The following ITGA9 variants were observed in gnomAD, a reference collection of about 807,000 sequenced individuals.
ITGA9 encodes the protein integrin subunit alpha 9.
ITGA9 carries 56 observed loss-of-function variants against 127.8 expected under a neutral mutation model. The ratio of observed to expected loss-of-function variants is 0.44; its 90% CI spans 0.35 to 0.55. ITGA9 has a LOEUF of 0.55. Ranked by LOEUF, ITGA9 falls within the 20% of genes least tolerant of loss-of-function variation. ITGA9 has a pLI of 0.00. For missense variants in ITGA9, 1,196 were observed against 1,347.1 expected, an observed-to-expected ratio of 0.89 and a Z score of 1.76; for synonymous variants, 508 against 514.5, an observed-to-expected ratio of 0.99 and a Z score of 0.17.
intron 26 of ITGA9, among the ~76,000 whole-genome samples, chr3:37,793,275 C>A (rs1447564655): frequency 2.0e-5 from 3 of 151,930 alleles, no homozygotes; most frequent in African/African-American, 7.3e-5. Flanking sequence ...AAGTTGTATT[C>A]TCAGAAGGTT....
chr3:37,460,560 A>G (rs1288821308), intron 1 of ITGA9, among the ~76,000 whole-genome samples: 4 of 151,842 alleles, frequency 2.6e-5, no homozygotes, highest in African/African-American at 9.7e-5. Flanking sequence ...TGTACCTCAT[A>G]AATATGTACC....
rs1236952058 is a variant in ITGA9 at position 37,822,759 on chromosome 3, T to C, written c.*3770T>C. 6.6e-6 allele frequency: 1 copy of C among 152,214 alleles called. No homozygotes were observed. Among genetic ancestry groups the C allele is most frequent in the Non-Finnish European group, 1.5e-5 (1 of 68,034 alleles). The allele number at this position is 152,214 out of a possible 1,614,324, so 9.4% of individuals were successfully genotyped here. A position where few individuals can be genotyped will look rare whatever the true frequency, so the allele number is the denominator to read the frequency against. On this transcript the variant is annotated 3_prime_UTR_variant, in exon 28 of 28. Transcript: ENST00000264741. ...GTATGCTACCTGTTGAACCCTAGCA[T>C]GGTGGCTTTTTAAAAGGTTATTTAT...
intron 17 of ITGA9, among the ~76,000 whole-genome samples, chr3:37,672,241 G>A (rs1700643377): frequency 1.3e-5 from 2 of 149,084 alleles, no homozygotes; most frequent in Non-Finnish European, 2.9e-5. Context: ...GTCTTGAATT[G>A]TAGCTCCCGT....
At chr3:37,471,226 C>G in intron 2 of ITGA9, 92 bp downstream of exon 2, 1 of 1,408,260 alleles carries the variant, frequency 7.1e-7, no homozygotes, top group South Asian at 1.2e-5. Context: ...ATTCACTCAC[C>G]CATCCATCCT....
chr3:37,606,906 C>T (rs1010110164), intron 15 of ITGA9, among the ~76,000 whole-genome samples: 3 of 148,576 alleles, frequency 2.0e-5, no homozygotes, highest in Non-Finnish European at 4.5e-5. Flanking sequence ...GCTTGAAAAT[C>T]AATGGTTTCT....
chr3:37,791,710 A>C (rs1697113644), intron 26 of ITGA9, among the ~76,000 whole-genome samples: 1 of 152,238 alleles, frequency 6.6e-6, no homozygotes, highest in African/African-American at 2.4e-5. Context: ...AGGGTGGCAC[A>C]GCCCCTCCAC....
chr3:37,674,082 G>A (rs777834524), intron 17 of ITGA9, among the ~76,000 whole-genome samples: 3 of 152,148 alleles, frequency 2.0e-5, no homozygotes, highest in Admixed American at 6.5e-5. Context: ...TGATGTTGGC[G>A]GCATTATTCT....
At chr3:37,738,838 ACAGT>A (rs1305200591) in intron 20 of ITGA9, among the ~76,000 whole-genome samples, 1 of 152,196 alleles carries the variant, frequency 6.6e-6, no homozygotes, top group Non-Finnish European at 1.5e-5. Flanking sequence ...GCTAATCATA[ACAGT>A]CAGAGAGGGC....
intron 15 of ITGA9, among the ~76,000 whole-genome samples, chr3:37,550,251 T>G (rs1699365995): frequency 6.6e-6 from 1 of 152,224 alleles, no homozygotes; most frequent in Non-Finnish European, 1.5e-5. Context: ...GTACTTATTA[T>G]ATGCCAGATA....
At chr3:37,622,499 C>A (rs562081817) in intron 15 of ITGA9, among the ~76,000 whole-genome samples, 4 of 152,010 alleles carry the variant, frequency 2.6e-5, no homozygotes, top group Admixed American at 2.0e-4. Context: ...GGATTTATTT[C>A]ATAATAGGGA....
chr3:37,708,143 T>G (rs1701028089), intron 18 of ITGA9, among the ~76,000 whole-genome samples: 2 of 152,326 alleles, frequency 1.3e-5, no homozygotes, highest in Admixed American at 1.3e-4. Context: ...TTGGCCAACC[T>G]TACTCATGTG....
intron 26 of ITGA9, among the ~76,000 whole-genome samples, chr3:37,798,763 T>G (rs1003522743): frequency 6.6e-6 from 1 of 152,228 alleles, no homozygotes; most frequent in African/African-American, 2.4e-5. Context: ...GTAATCTGAT[T>G]TCAGTAATTT....
rs917910396 is a variant in ITGA9 at position 37,533,367 on chromosome 3, A to G, written c.1427A>G (p.Asn476Ser). The G allele has an allele frequency of 1.2e-6, 2 of 1,614,190 alleles. No individual in the cohort carries two copies. Among genetic ancestry groups the G allele is most frequent in the African/African-American group, 1.3e-5 (1 of 75,038 alleles). The stretch of plus-strand genomic sequence containing the variant: ...TCCATCTTCCTCCCGGGCTCCATCA[A>G]CATCACAGCGCCTCAGTGTCACGAC... ...DVSIFLPGSI[N>S]ITAPQCHDGQ... Residue 476 changes from asparagine (N) to serine (S), a missense_variant, in exon 14 of 28, where the codon AAC becomes AGC. Coordinates refer to ENST00000264741, the MANE Select transcript of ITGA9 (RefSeq NM_002207.3).
intron 3 of ITGA9, among the ~76,000 whole-genome samples, chr3:37,473,922 A>G (rs1698463672): frequency 6.6e-6 from 1 of 152,202 alleles, no homozygotes; most frequent in Non-Finnish European, 1.5e-5. Flanking sequence ...TGTGATTTGT[A>G]TAATACATTA....
At position 37,597,119 on chromosome 3, in the gene ITGA9, G is replaced by A. The variant is rs909965038; in HGVS notation, c.1690-32068G>A. On this transcript the variant is annotated intron_variant, in intron 15 of 27. Transcript: ENST00000264741. The surrounding 1 kb of genome is among the most constrained non-coding windows in gnomAD (Gnocchi z 4.6). ...GGGCCAAGTTGGAAGAGGCGAGGAA[G>A]TTTAACTTTAAATGAAATTTGGAGT... Among the ~76,000 whole-genome samples the A allele has an allele frequency of 7.2e-5, 11 of 152,218 alleles. No individual in the cohort carries two copies. Among genetic ancestry groups the A allele is most frequent in the African/African-American group, 2.4e-4 (10 of 41,456 alleles).
Position 37,723,372 on chromosome 3 carries a change from A to T in ITGA9, c.2068-9340A>T, listed in dbSNP as rs187462941. 5.8e-4 allele frequency among the ~76,000 whole-genome samples: 88 copies of T among 151,658 alleles called. 1 individual carries two copies. Among genetic ancestry groups the T allele is most frequent in the Admixed American group, 1.9e-3 (29 of 15,206 alleles). ...AATTATTATTATTATTTTTATTATT[A>T]TTATTTGAGGCAGAGTCTCGATGTG... On this transcript the variant is annotated intron_variant, in intron 18 of 27. Transcript: ENST00000264741.
At chr3:37,680,468 G>A (rs1027864620) in intron 17 of ITGA9, among the ~76,000 whole-genome samples, 4 of 152,164 alleles carry the variant, frequency 2.6e-5, no homozygotes, top group Non-Finnish European at 4.4e-5. Flanking sequence ...GAAATCCCAG[G>A]AATGACTTTG....
intron 18 of ITGA9, among the ~76,000 whole-genome samples, chr3:37,685,597 A>T (rs1205716799): frequency 1.3e-5 from 2 of 151,978 alleles, no homozygotes. Context: ...TTCCTTGGGG[A>T]TTTGATCTGT....
Position 37,779,945 on chromosome 3 carries a change from A to C in ITGA9, c.2711A>C (p.Asn904Thr), listed in dbSNP as rs1191072831. 1 of 1,613,670 alleles carries C rather than the reference A, an allele frequency of 6.2e-7. No homozygotes were observed. The highest frequency in any genetic ancestry group is 8.5e-7 in the Non-Finnish European group (1 of 1,179,558). The change falls in exon 25 of 28, where the codon AAC (asparagine) becomes ACC (threonine). Residue 904 changes from asparagine (N) to threonine (T), a missense_variant. Transcript: ENST00000264741. ...ATTTCTTGCCTAACAGCACACTGTA[A>C]CTTTAGTGCTCTTGCTAAAGAAGAA... ...PGISCLTAHC[N>T]FSALAKEESR...
Sources: gnomAD v4.1 joint callset for allele counts (sites outside exome capture counted in the v4.1 genomes callset) on GRCh38, gnomAD v4.1.1 for gene constraint, Gnocchi (gnomAD v3.1) non-coding constraint, MANE v1.5 for transcripts, NCBI Gene and HGNC (gene_info 2026-07-23, HGNC 2026-07-21) for gene names.